The following LNX1 variants were observed in gnomAD, a reference collection of about 807,000 sequenced individuals.
The protein encoded by LNX1 is ligand of numb-protein X 1, also known as E3 ubiquitin-protein ligase LNX.
Under a neutral mutation model 68.4 loss-of-function variants are expected in LNX1, and 54 were observed. The ratio of observed to expected loss-of-function variants is 0.79; its 90% CI spans 0.63 to 0.99. LNX1 has a LOEUF of 0.99. LNX1 is among the 50% of genes least tolerant of loss of function. The pLI, the probability that LNX1 is intolerant of heterozygous loss-of-function variation, is 0.00. For missense variants in LNX1, 906 were observed against 926.4 expected (o/e 0.98, Z 0.29); for synonymous variants, 336 against 350.0 (o/e 0.96, Z 0.45).
At chr4:53,632,032 C>T (rs1184955521) in intron 1 of LNX1, among the ~76,000 whole-genome samples, 10 of 152,086 alleles carry the variant, frequency 6.6e-5, no homozygotes, top group Admixed American at 5.9e-4. Context: ...CTCCTGGGTC[C>T]GCTGGTTCTT....
chr4:53,588,717 AG>A (rs1198800160), intron 1 of LNX1, among the ~76,000 whole-genome samples: 2 of 152,128 alleles, frequency 1.3e-5, no homozygotes, highest in African/African-American at 4.8e-5. Flanking sequence ...ACTGACATGC[AG>A]GGGGGTTGAG....
chr4:53,630,131 T>C (rs73151321), intron 1 of LNX1, among the ~76,000 whole-genome samples: 4,447 of 152,076 alleles, frequency 0.029, 83 homozygotes, highest in South Asian at 0.08. Flanking sequence ...ACCATGTAAG[T>C]TTTCCCTTTA....
intron 2 of LNX1, among the ~76,000 whole-genome samples, chr4:53,546,540 C>G (rs1480560551): frequency 6.6e-6 from 1 of 152,200 alleles, no homozygotes; most frequent in African/African-American, 2.4e-5. Flanking sequence ...AATGTCATAA[C>G]TTGTTCAAGG....
intron 8 of LNX1, 119 bp downstream of exon 8, chr4:53,478,446 A>T: frequency 1.1e-6 from 1 of 878,708 alleles, no homozygotes. Flanking sequence ...GGGTAACAAA[A>T]GTCCTGGCCG....
chr4:53,467,486 A>G (rs1722775034), intron 9 of LNX1, among the ~76,000 whole-genome samples: 1 of 152,244 alleles, frequency 6.6e-6, no homozygotes, highest in African/African-American at 2.4e-5. Context: ...ACAAAGCTGA[A>G]CAGAGAATGA....
At chr4:53,508,363 C>CATA (rs1217239352) in intron 2 of LNX1, 136 bp from the exon 3 acceptor site, 1 of 1,039,328 alleles carries the variant, frequency 9.6e-7, no homozygotes, top group Non-Finnish European at 1.4e-6. Context: ...GCCGCTATAT[C>CATA]CTCTCTTCCC....
intron 7 of LNX1, 101 bp downstream of exon 7, chr4:53,481,619 A>G: frequency 7.5e-7 from 1 of 1,325,314 alleles, no homozygotes; most frequent in Non-Finnish European, 1.0e-6. Flanking sequence ...TGTTTCTTTA[A>G]GTAAAAAAGT....
At chr4:53,579,314 G>A in intron 1 of LNX1, 7 of 968,802 alleles carry the variant, frequency 7.2e-6, no homozygotes, top group Non-Finnish European at 8.6e-6. Context: ...TGGTGCCTTA[G>A]GAATCACCCT....
intron 2 of LNX1, among the ~76,000 whole-genome samples, chr4:53,561,178 C>T (rs1432736622): frequency 6.6e-6 from 1 of 152,166 alleles, no homozygotes; most frequent in African/African-American, 2.4e-5. Context: ...CTAAAATGAC[C>T]AGCAAGACTA....
At chr4:53,568,362 A>G (rs1361338685) in intron 2 of LNX1, among the ~76,000 whole-genome samples, 5 of 151,598 alleles carry the variant, frequency 3.3e-5, no homozygotes, top group Non-Finnish European at 4.4e-5. Flanking sequence ...CAATAAATGT[A>G]ATCCAGCATA....
At chr4:53,472,137 C>G (rs910900120) in intron 9 of LNX1, among the ~76,000 whole-genome samples, 1 of 152,150 alleles carries the variant, frequency 6.6e-6, no homozygotes, top group Non-Finnish European at 1.5e-5. Flanking sequence ...TACATATACA[C>G]CATGGAATAC....
Position 53,459,702 on chromosome 4 carries a change from CAG to C in LNX1, c.*1203_*1204del. 2.0e-6 allele frequency: 1 copy of C among 503,630 alleles called. No individual in the cohort carries two copies. Among genetic ancestry groups the C allele is most frequent in the Non-Finnish European group, 3.6e-6 (1 of 280,376 alleles). 31.2% of individuals were successfully genotyped at this position (503,630 alleles called of 1,614,324 possible). On this transcript the variant is annotated 3_prime_UTR_variant, in exon 11 of 11. Coordinates refer to ENST00000263925, the MANE Select transcript of LNX1 (RefSeq NM_001126328.3). ...AAAGGAATGTGAATGAGTCACTTAA[CAG>C]GGAATCTAAAGAGCTGTGTTAGCTG...
At chr4:53,590,390 T>G (rs1300925894) in intron 1 of LNX1, among the ~76,000 whole-genome samples, 1 of 152,220 alleles carries the variant, frequency 6.6e-6, no homozygotes, top group African/African-American at 2.4e-5. Flanking sequence ...TAGAATGAAG[T>G]GTCTCGCAGA....
chr4:53,573,839 G>C lies in LNX1; in HGVS notation c.164C>G (p.Pro55Arg). The change falls in exon 2 of 11, where the codon CCG (proline) becomes CGG (arginine). Residue 55 changes from proline to arginine, a missense_variant. By Grantham distance (103) the Pro-to-Arg change is moderately radical (BLOSUM62 -2). Coordinates refer to ENST00000263925, the MANE Select transcript of LNX1 (RefSeq NM_001126328.3). Reference protein sequence around the residue: ...LQALLDPLDTPCGHTYCTLCL... With the variant: ...LQALLDPLDTRCGHTYCTLCL... ...GAGGGTGCAGTAGGTGTGTCCACACGGAGTGTCCAGGGGGTCCAGCAAAGC... is the reference window on the plus strand; with the variant it reads ...GAGGGTGCAGTAGGTGTGTCCACACCGAGTGTCCAGGGGGTCCAGCAAAGC... 1 of 1,613,660 alleles carries C rather than the reference G, an allele frequency of 6.2e-7. No individual in the cohort carries two copies. Among genetic ancestry groups the C allele is most frequent in the Non-Finnish European group, 8.5e-7 (1 of 1,179,806 alleles).
intron 9 of LNX1, among the ~76,000 whole-genome samples, chr4:53,467,500 C>T (rs1464101936): frequency 6.6e-6 from 1 of 152,120 alleles, no homozygotes. Context: ...AGAATGACTT[C>T]AACAAGTTGA....
chr4:53,551,503 C>T (rs1177682857), intron 2 of LNX1, among the ~76,000 whole-genome samples: 1 of 152,124 alleles, frequency 6.6e-6, no homozygotes, highest in East Asian at 1.9e-4. Flanking sequence ...TATATGAATC[C>T]TCAACTGATA....
chr4:53,613,878 C>T (rs149966434), intron 2 of LNX1, among the ~76,000 whole-genome samples: 1,816 of 152,242 alleles, frequency 0.012, 32 homozygotes, highest in African/African-American at 0.041. Flanking sequence ...TTTGAGCAAT[C>T]GCCACACTGT....
rs1435277757 is a variant in LNX1 at position 53,496,344 on chromosome 4, G to C, written c.1029C>G (p.Leu343=). Residue 343 remains leucine (L), a synonymous_variant, in exon 6 of 11, where the codon CTC becomes CTG. Transcript: ENST00000263925. ...SNVPHNYAVR[L]LRQPCQVLWL... The stretch of plus-strand genomic sequence containing the variant: ...ACAGCACCTGGCAGGGCTGCCGCAG[G>C]AGACGCACAGCGTAGTTGTGAGGGA... The C allele has an allele frequency of 1.2e-6, 2 of 1,614,032 alleles. No individual in the cohort carries two copies. Among genetic ancestry groups the C allele is most frequent in the South Asian group, 1.1e-5 (1 of 91,070 alleles).
At chr4:53,564,103 C>T (rs1200085393) in intron 2 of LNX1, among the ~76,000 whole-genome samples, 1 of 152,194 alleles carries the variant, frequency 6.6e-6, no homozygotes, top group African/African-American at 2.4e-5. Context: ...GACTCACTTT[C>T]AGTCAGTTTT....
Sources: gnomAD v4.1 joint callset for allele counts (sites outside exome capture counted in the v4.1 genomes callset) on GRCh38, gnomAD v4.1.1 for gene constraint, MANE v1.5 for transcripts, NCBI Gene and HGNC (gene_info 2026-07-23, HGNC 2026-07-21) for gene names.